RRM2: variants seen among roughly 807,000 people sequenced by gnomAD.
RRM2 encodes the protein ribonucleoside-diphosphate reductase subunit M2.
RRM2 carries 6 observed loss-of-function variants against 45.9 expected under a neutral mutation model. The ratio of observed to expected loss-of-function variants is 0.13; its 90% CI spans 0.07 to 0.26. The LOEUF is 0.26. Among genes scored for constraint, RRM2 ranks in the 10% least tolerant of loss-of-function variants. The pLI is 1.00. For missense variants in RRM2, 343 were observed against 489.5 expected, an observed-to-expected ratio of 0.70 and a Z score of 2.82; for synonymous variants, 177 against 173.0, an observed-to-expected ratio of 1.02 and a Z score of -0.18.
chr2:10,189,445 G>A (rs564289004), intron 3 of RRM2, among the ~76,000 whole-genome samples: 2 of 152,380 alleles, frequency 1.3e-5, no homozygotes, highest in Non-Finnish European at 2.9e-5. Flanking sequence ...AAGAGCACAC[G>A]CTTGGAGGTG....
At chr2:10,141,214 A>G (rs1397182914), upstream of RRM2, among the ~76,000 whole-genome samples, 1 of 152,046 alleles carries the variant, frequency 6.6e-6, no homozygotes, top group African/African-American at 2.4e-5. Context: ...GCTGGCTTGG[A>G]GCCCGATGGA....
At chr2:10,125,638 C>T (rs944209892) in intron 5 of RRM2, among the ~76,000 whole-genome samples, 3 of 151,982 alleles carry the variant, frequency 2.0e-5, no homozygotes, top group Admixed American at 6.6e-5. Context: ...AGCTTGCGCT[C>T]CAGCCTGGGT....
chr2:10,201,526 A>C (rs1231485172), intron 3 of RRM2, among the ~76,000 whole-genome samples: 3 of 152,238 alleles, frequency 2.0e-5, no homozygotes, highest in Non-Finnish European at 4.4e-5. Flanking sequence ...TTCTGATGTC[A>C]CAATCTGCAA....
downstream of RRM2, among the ~76,000 whole-genome samples, chr2:10,135,405 T>C (rs1380212938): frequency 6.6e-6 from 1 of 152,058 alleles, no homozygotes; most frequent in Non-Finnish European, 1.5e-5. Context: ...TGGAGGTATA[T>C]GGTTTAAAGT....
At chr2:10,125,430 G>A (rs374479240) in intron 5 of RRM2, among the ~76,000 whole-genome samples, 16 of 152,302 alleles carry the variant, frequency 1.1e-4, no homozygotes, top group East Asian at 9.6e-4. Flanking sequence ...TTAGGGTGGC[G>A]CGCGGTGGTT....
At chr2:10,150,482 T>C (rs952665880) in intron 3 of RRM2, among the ~76,000 whole-genome samples, 1 of 148,722 alleles carries the variant, frequency 6.7e-6, no homozygotes, top group Non-Finnish European at 1.5e-5. Flanking sequence ...TGCATCCTGT[T>C]TCTCTTTCTC....
At chr2:10,182,325 G>C (rs7592993) in intron 3 of RRM2, among the ~76,000 whole-genome samples, 1 of 151,682 alleles carries the variant, frequency 6.6e-6, no homozygotes, top group Non-Finnish European at 1.5e-5. Context: ...CAGCCTGGAC[G>C]ACAGAGGAAG....
intron 3 of RRM2, among the ~76,000 whole-genome samples, chr2:10,190,260 GTGA>G (rs1212024964): frequency 1.3e-5 from 2 of 149,840 alleles, no homozygotes; most frequent in Admixed American, 1.3e-4. Flanking sequence ...GGTGGTGGTG[GTGA>G]TGGTGGTGGT....
downstream of RRM2, among the ~76,000 whole-genome samples, chr2:10,134,773 G>A (rs1180342604): frequency 6.6e-6 from 1 of 152,220 alleles, no homozygotes; most frequent in Non-Finnish European, 1.5e-5. Context: ...GAGTGGACTT[G>A]TGAGTTGGAA....
intron 3 of RRM2, among the ~76,000 whole-genome samples, chr2:10,153,777 T>G (rs1319090546): frequency 1.3e-5 from 2 of 152,320 alleles, no homozygotes; most frequent in African/African-American, 4.8e-5. Context: ...AACTTTTTCT[T>G]GCTGCCAAGT....
At chr2:10,159,267 C>A (rs1336915596) in intron 3 of RRM2, among the ~76,000 whole-genome samples, 1 of 152,182 alleles carries the variant, frequency 6.6e-6, no homozygotes, top group East Asian at 1.9e-4. Flanking sequence ...CCCAGGTACC[C>A]AGACGATGAG....
At chr2:10,194,456 G>A (rs1664371476) in intron 3 of RRM2, among the ~76,000 whole-genome samples, 2 of 152,234 alleles carry the variant, frequency 1.3e-5, no homozygotes, top group Admixed American at 1.3e-4. Context: ...AAATGGGATG[G>A]GGTGTGTGTG....
chr2:10,147,802 GCTAT>G (rs1270850584), intron 3 of RRM2, among the ~76,000 whole-genome samples: 3 of 151,976 alleles, frequency 2.0e-5, no homozygotes, highest in Non-Finnish European at 4.4e-5. Flanking sequence ...ATACCTCTAT[GCTAT>G]CTTTTTCTTA....
chr2:10,137,082 T>A (rs1407885923), upstream of RRM2, among the ~76,000 whole-genome samples: 9 of 152,234 alleles, frequency 5.9e-5, no homozygotes, highest in Admixed American at 5.9e-4. Context: ...TAAGGTTGAT[T>A]TTCCTGCCAC....
Position 10,197,094 on chromosome 2 carries a change from G to A in RRM2, n.483-13217G>A, listed in dbSNP as rs78388538. On this transcript the variant is annotated intron_variant and non_coding_transcript_variant, in intron 3 of 3. Coordinates refer to the RRM2 transcript ENST00000381786. ...TGCCTCTGCCCCTACCCCTGCCATG[G>A]CGTCTCTCCAGGCCCTAGGTCTGTA... 1.7e-3 allele frequency among the ~76,000 whole-genome samples: 259 copies of A among 152,292 alleles called. 2 individuals are homozygous for A. The highest frequency in any genetic ancestry group is 5.9e-3 in the African/African-American group (246 of 41,570).
chr2:10,199,127 A>T (rs1664479767), intron 3 of RRM2: 1 of 152,170 alleles, frequency 6.6e-6, no homozygotes, highest in African/African-American at 2.4e-5. Context: ...GTTATGGGAC[A>T]CTGAACATGG....
intron 3 of RRM2, among the ~76,000 whole-genome samples, chr2:10,162,405 G>A (rs544997560): frequency 7.2e-5 from 11 of 152,108 alleles, no homozygotes; most frequent in Non-Finnish European, 1.2e-4. Context: ...AATCAGAGAC[G>A]GGGATGAGTC....
intron 3 of RRM2, among the ~76,000 whole-genome samples, chr2:10,167,583 G>A (rs1663709991): frequency 6.6e-6 from 1 of 152,150 alleles, no homozygotes; most frequent in Non-Finnish European, 1.5e-5. Context: ...CAGCGGGCGT[G>A]GTGGTGGGAA....
intron 3 of RRM2, among the ~76,000 whole-genome samples, chr2:10,164,400 G>A (rs1663638226): frequency 1.3e-5 from 2 of 152,182 alleles, no homozygotes; most frequent in African/African-American, 4.8e-5. Context: ...CTCAGAACAA[G>A]GACTGGCAGT....
Sources: gnomAD v4.1 joint callset for allele counts (sites outside exome capture counted in the v4.1 genomes callset) on GRCh38, gnomAD v4.1.1 for gene constraint, MANE v1.5 for transcripts, NCBI Gene and HGNC (gene_info 2026-07-23, HGNC 2026-07-21) for gene names.